Variants in TENM3 observed in about 807,000 individuals in gnomAD.
The protein encoded by TENM3 is teneurin-3.
TENM3 carries 63 observed loss-of-function variants against 255.1 expected under a neutral mutation model. The observed-to-expected ratio is 0.25, with a 90% CI of 0.20 to 0.30. The LOEUF (loss-of-function observed/expected upper bound fraction) is 0.30. Among genes scored for constraint, TENM3 ranks in the 10% least tolerant of loss-of-function variants. The pLI is 1.00. For synonymous variants in TENM3, 1,306 were observed against 1,322.3 expected, an observed-to-expected ratio of 0.99 and a Z score of 0.27; for missense variants, 2,929 against 3,461.1, an observed-to-expected ratio of 0.85 and a Z score of 3.86.
At chr4:182,386,596 C>T (rs898126621) in intron 3 of TENM3, among the ~76,000 whole-genome samples, 2 of 152,166 alleles carry the variant, frequency 1.3e-5, no homozygotes, top group African/African-American at 2.4e-5. Flanking sequence ...CTGCGCGCAG[C>T]GCTTGCGGGC....
At chr4:182,017,921 A>G in the TENM3 span, among the ~76,000 whole-genome samples, 2 of 152,218 alleles carry the variant, frequency 1.3e-5, no homozygotes, top group Non-Finnish European at 2.9e-5. Flanking sequence ...AAAACAGAAC[A>G]AAGGTCTTAA....
At chr4:182,628,434 A>C (rs1447499663) in intron 4 of TENM3, among the ~76,000 whole-genome samples, 1 of 152,176 alleles carries the variant, frequency 6.6e-6, no homozygotes, top group Non-Finnish European at 1.5e-5. Flanking sequence ...TGCTATCTAC[A>C]TTAGAAATCA....
chr4:182,533,937 T>C (rs776551042), intron 3 of TENM3, among the ~76,000 whole-genome samples: 2 of 152,112 alleles, frequency 1.3e-5, no homozygotes, highest in African/African-American at 2.4e-5. Flanking sequence ...TTTTCATTGA[T>C]ATAGTATAGT....
At chr4:182,271,022 G>T (rs1226131199) in intron 1 of TENM3, among the ~76,000 whole-genome samples, 1 of 152,072 alleles carries the variant, frequency 6.6e-6, no homozygotes, top group Admixed American at 6.5e-5. Flanking sequence ...TTTGGTTTTG[G>T]AACAAAATCA....
At chr4:182,146,761 G>C (rs1749997085) in intron 1 of TENM3, among the ~76,000 whole-genome samples, 1 of 152,152 alleles carries the variant, frequency 6.6e-6, no homozygotes, top group South Asian at 2.1e-4. Context: ...TGTGCCAATA[G>C]CTTTATGTTA....
the TENM3 span, among the ~76,000 whole-genome samples, chr4:181,854,608 G>T: frequency 2.0e-5 from 3 of 152,048 alleles, no homozygotes; most frequent in Admixed American, 2.0e-4. Flanking sequence ...AGCAATCTCT[G>T]TACCAGGAAA....
At chr4:181,789,243 TTTTATTTTATTTTA>T in the TENM3 span, among the ~76,000 whole-genome samples, 1 of 147,230 alleles carries the variant, frequency 6.8e-6, no homozygotes, top group Non-Finnish European at 1.5e-5. Flanking sequence ...TTTTATTTTA[TTTTATTTTATTTTA>T]TTTATTTTAT....
the TENM3 span, among the ~76,000 whole-genome samples, chr4:181,928,647 C>G: frequency 6.6e-6 from 1 of 152,040 alleles, no homozygotes; most frequent in Non-Finnish European, 1.5e-5. Context: ...CCTAGCAAGA[C>G]AGGCCAATAT....
chr4:182,294,567 C>A (rs1761345432), intron 1 of TENM3, among the ~76,000 whole-genome samples: 1 of 152,134 alleles, frequency 6.6e-6, no homozygotes. Flanking sequence ...CTTGCTGTGG[C>A]CTTCTCTGTG....
chr4:182,499,187 A>G (rs907578091), intron 3 of TENM3, among the ~76,000 whole-genome samples: 1 of 152,224 alleles, frequency 6.6e-6, no homozygotes, highest in African/African-American at 2.4e-5. Flanking sequence ...GAAGTGAATG[A>G]GGTTATCTAA....
chr4:181,940,818 G>A, the TENM3 span, among the ~76,000 whole-genome samples: 1 of 152,122 alleles, frequency 6.6e-6, no homozygotes, highest in Middle Eastern at 3.2e-3. Context: ...TTGGAAATAG[G>A]GTAGAATTAG....
At chr4:182,185,823 C>T (rs1049241095) in intron 1 of TENM3, among the ~76,000 whole-genome samples, 7 of 152,156 alleles carry the variant, frequency 4.6e-5, no homozygotes, top group South Asian at 4.1e-4. Context: ...GCATACGCTT[C>T]GCAGTGTGCC....
rs1283725525 is a variant in TENM3, at chr4:182,177,621, T to A, written c.-76+32867T>A. 5.3e-5 allele frequency among the ~76,000 whole-genome samples: 8 copies of A among 151,396 alleles called. No homozygotes were observed. In the East Asian group the frequency reaches 7.8e-4, roughly 15 times the overall value. On this transcript the variant is annotated intron_variant, in intron 1 of 2. Transcript: ENST00000512480. Reference sequence around the variant, plus strand: ...GCATACATATATATATATATTTTTTTTTTTTTTGCTCTACCCTCAAAACTA... The same window carrying A: ...GCATACATATATATATATATTTTTTATTTTTTTGCTCTACCCTCAAAACTA...
chr4:182,763,362 G>A (rs558396098), intron 22 of TENM3, among the ~76,000 whole-genome samples: 5 of 152,228 alleles, frequency 3.3e-5, no homozygotes, highest in South Asian at 2.1e-4. Context: ...TCAGGAGATC[G>A]AGACCATCCT....
intron 2 of TENM3, among the ~76,000 whole-genome samples, chr4:182,336,047 A>T (rs1182342268): frequency 6.6e-6 from 1 of 152,190 alleles, no homozygotes. Flanking sequence ...ATGCCTAGGA[A>T]GTTTCTCCCC....
At chr4:181,900,176 G>A in the TENM3 span, among the ~76,000 whole-genome samples, 1 of 152,016 alleles carries the variant, frequency 6.6e-6, no homozygotes, top group African/African-American at 2.4e-5. Context: ...CATTTTAAAG[G>A]CATCCTGATT....
At chr4:182,475,660 A>T (rs1209696531) in intron 3 of TENM3, among the ~76,000 whole-genome samples, 2 of 152,218 alleles carry the variant, frequency 1.3e-5, no homozygotes, top group East Asian at 3.8e-4. Flanking sequence ...ATACTTCTTT[A>T]TTCAGTTCAT....
chr4:182,199,608 A>G lies in TENM3; in HGVS notation c.-76+54854A>G, dbSNP rs116752173. Among the ~76,000 whole-genome samples, 1,041 of 151,914 alleles carry G rather than the reference A, an allele frequency of 6.9e-3. 17 individuals carry two copies. The highest frequency in any genetic ancestry group is 0.024 in the African/African-American group (1,011 of 41,430). On this transcript the variant is annotated intron_variant, in intron 1 of 2. Transcript: ENST00000512480. ...GCTTGTGTTGTTAGAAAAAAATAAT[A>G]GCTCAGCATTCAGGTTTTCTACAGG... is the stretch of plus-strand genomic sequence containing the variant.
At chr4:182,001,020 T>TA in the TENM3 span, among the ~76,000 whole-genome samples, 4,040 of 148,712 alleles carry the variant, frequency 0.027, 173 homozygotes, top group African/African-American at 0.094. Flanking sequence ...TTTTTTTTTT[T>TA]AATAATTCAC....
Sources: gnomAD v4.1 joint callset for allele counts (sites outside exome capture counted in the v4.1 genomes callset) on GRCh38, gnomAD v4.1.1 for gene constraint, MANE v1.5 for transcripts, NCBI Gene and HGNC (gene_info 2026-07-23, HGNC 2026-07-21) for gene names.